The following SNTB2 variants were observed in gnomAD, a reference collection of about 807,000 sequenced individuals.
The protein encoded by SNTB2 is beta-2-syntrophin.
Under a neutral mutation model 46.2 loss-of-function variants are expected in SNTB2, and 34 were observed. The observed-to-expected ratio is 0.74, with a 90% CI of 0.56 to 0.98. The LOEUF is 0.98. Among genes scored for constraint, SNTB2 ranks in the 50% least tolerant of loss-of-function variants. The pLI, the probability that SNTB2 is intolerant of heterozygous loss-of-function variation, is 0.00. For missense variants in SNTB2, 603 were observed against 731.4 expected (o/e 0.82, Z 2.02); for synonymous variants, 290 against 312.6 (o/e 0.93, Z 0.76).
intron 1 of SNTB2, among the ~76,000 whole-genome samples, chr16:69,229,649 C>G (rs1468578947): frequency 2.7e-5 from 4 of 150,650 alleles, no homozygotes; most frequent in African/African-American, 9.7e-5. Flanking sequence ...ACCATCCTGG[C>G]CAACCAGCTT....
rs558290176 is a variant in SNTB2 at position 69,284,375 on chromosome 16, T to G, written c.1345+131T>G. On this transcript the variant is annotated intron_variant, in intron 5 of 6. Coordinates refer to ENST00000336278, the MANE Select transcript of SNTB2 (RefSeq NM_006750.4). Reference sequence around the variant, plus strand: ...GCAGTCCCCTCAGATTATACTACTATATTTTTACTATACCTTTTCTAAGTG... The same window carrying G: ...GCAGTCCCCTCAGATTATACTACTAGATTTTTACTATACCTTTTCTAAGTG... 209 of 563,348 alleles carry G rather than the reference T, an allele frequency of 3.7e-4. 1 individual carries two copies. The highest frequency in any genetic ancestry group is 5.3e-4 in the Non-Finnish European group (190 of 360,064). 34.9% of individuals were successfully genotyped at this position (563,348 alleles called of 1,614,324 possible).
chr16:69,245,483 C>T (rs1418806621), intron 1 of SNTB2, 119 bp from the exon 2 acceptor site: 1 of 999,890 alleles, frequency 1.0e-6, no homozygotes, highest in African/African-American at 1.6e-5. Flanking sequence ...GAGTGAGCCA[C>T]CGCGCCCAGC....
In SNTB2 at chr16:69,307,332, A is replaced by G. The variant is rs1051143947; in HGVS notation, c.*6408A>G. The G allele has an allele frequency of 2.6e-5, 4 of 152,230 alleles. No individual in the cohort carries two copies. Among genetic ancestry groups the G allele is most frequent in the African/African-American group, 9.6e-5 (4 of 41,460 alleles). The allele number at this position is 152,230 out of a possible 1,614,324, so 9.4% of individuals were successfully genotyped here. ...AGGCTTTGATCCATGCCAACATGAA[A>G]GGACTCCAAGCACATTTAAGTAGGC... On this transcript the variant is annotated 3_prime_UTR_variant, in exon 7 of 7. Coordinates refer to ENST00000336278, the MANE Select transcript of SNTB2 (RefSeq NM_006750.4).
chr16:69,193,913 T>C (rs1392678772), intron 1 of SNTB2, among the ~76,000 whole-genome samples: 2 of 152,242 alleles, frequency 1.3e-5, no homozygotes, highest in Admixed American at 1.3e-4. Context: ...GAGAATGTCT[T>C]TTGCAACAGC....
At chr16:69,280,764 C>A (rs1965033741) in intron 4 of SNTB2, among the ~76,000 whole-genome samples, 1 of 151,668 alleles carries the variant, frequency 6.6e-6, no homozygotes, top group Non-Finnish European at 1.5e-5. Flanking sequence ...ATGTGTTTTG[C>A]AAAATTTTTT....
chr16:69,241,684 C>T (rs2152296400), intron 1 of SNTB2, among the ~76,000 whole-genome samples: 1 of 151,448 alleles, frequency 6.6e-6, no homozygotes, highest in East Asian at 2.0e-4. Flanking sequence ...AATCCCAGCC[C>T]TTTGGGAGGC....
intron 5 of SNTB2, among the ~76,000 whole-genome samples, chr16:69,296,291 T>A (rs1000927325): frequency 5.5e-4 from 82 of 149,216 alleles, no homozygotes; most frequent in Middle Eastern, 3.2e-3. Flanking sequence ...AAAAAAAAAA[T>A]TTTTTTTAAA....
chr16:69,289,899 GC>G (rs1965144175), intron 5 of SNTB2, among the ~76,000 whole-genome samples: 1 of 152,132 alleles, frequency 6.6e-6, no homozygotes, highest in South Asian at 2.1e-4. Context: ...TCCAGTCTGG[GC>G]AACAGAACAA....
chr16:69,298,641 C>T (rs758169830), intron 5 of SNTB2, among the ~76,000 whole-genome samples: 1 of 151,216 alleles, frequency 6.6e-6, no homozygotes, highest in Non-Finnish European at 1.5e-5. Context: ...CCTGCCTCAG[C>T]CTCCCAAGTA....
chr16:69,232,992 T>C (rs1964522850), intron 1 of SNTB2, among the ~76,000 whole-genome samples: 1 of 152,228 alleles, frequency 6.6e-6, no homozygotes, highest in Admixed American at 6.5e-5. Flanking sequence ...CTCCTACTTT[T>C]ATTGATTTGG....
At chr16:69,276,767 G>T (rs1447962806) in intron 4 of SNTB2, among the ~76,000 whole-genome samples, 1 of 152,050 alleles carries the variant, frequency 6.6e-6, no homozygotes, top group Admixed American at 6.6e-5. Context: ...TTACACTGAG[G>T]ATGTGTAAAA....
chr16:69,251,922 C>G (rs976376326), intron 2 of SNTB2, among the ~76,000 whole-genome samples: 8 of 152,166 alleles, frequency 5.3e-5, no homozygotes, highest in Non-Finnish European at 1.0e-4. Flanking sequence ...CCCATCTCTA[C>G]TAAAAATAAA....
At chr16:69,228,505 CAAAAA>C (rs778681180) in intron 1 of SNTB2, among the ~76,000 whole-genome samples, 2 of 50,176 alleles carry the variant, frequency 4.0e-5, no homozygotes, top group Non-Finnish European at 8.4e-5. Context: ...GACTCTATCT[CAAAAA>C]AAAAAAAAAA....
At chr16:69,207,154 C>CTTTCTTTTTTTTT (rs771500331) in intron 1 of SNTB2, among the ~76,000 whole-genome samples, 2 of 126,448 alleles carry the variant, frequency 1.6e-5, no homozygotes, top group African/African-American at 3.0e-5. Flanking sequence ...TTCTTTCTTT[C>CTTTCTTTTTTTTT]TTTTTTTTTT....
chr16:69,208,432 T>G (rs1007566011), intron 1 of SNTB2, among the ~76,000 whole-genome samples: 1 of 151,732 alleles, frequency 6.6e-6, no homozygotes, highest in Admixed American at 6.6e-5. Flanking sequence ...GTAAAAGATA[T>G]AGTATAGTAT....
At chr16:69,218,338 G>A (rs1163795660) in intron 1 of SNTB2, among the ~76,000 whole-genome samples, 10 of 151,848 alleles carry the variant, frequency 6.6e-5, no homozygotes, top group Admixed American at 6.6e-4. Flanking sequence ...ATGGAATTTT[G>A]GAATTAAATG....
chr16:69,298,512 C>CTT (rs34908270), intron 5 of SNTB2, among the ~76,000 whole-genome samples: 8,596 of 78,140 alleles, frequency 0.11, 1,768 homozygotes, highest in Non-Finnish European at 0.14. Flanking sequence ...TTTACCAATT[C>CTT]TTTTTTTTTT....
rs372620250 is a variant in SNTB2 at position 69,282,430 on chromosome 16, T to C, written c.1149-1618T>C. On this transcript the variant is annotated intron_variant, in intron 4 of 6. Coordinates refer to ENST00000336278, the MANE Select transcript of SNTB2 (RefSeq NM_006750.4). ...GGGTTTGTCTCTGGGCTGTCTATTC[T>C]GTTCCATTGATCAATTTGTTTGTTC... Among the ~76,000 whole-genome samples, 6 of 152,308 alleles carry C rather than the reference T, an allele frequency of 3.9e-5. No individual in the cohort carries two copies. In the East Asian group the frequency reaches 1.2e-3, roughly 30 times the overall value.
chr16:69,228,470 C>T (rs964733787), intron 1 of SNTB2, among the ~76,000 whole-genome samples: 20 of 138,748 alleles, frequency 1.4e-4, no homozygotes, highest in Admixed American at 8.4e-4. Flanking sequence ...TATGCCACTG[C>T]ACTCCAACCT....
Sources: gnomAD v4.1 joint callset for allele counts (sites outside exome capture counted in the v4.1 genomes callset) on GRCh38, gnomAD v4.1.1 for gene constraint, MANE v1.5 for transcripts, NCBI Gene and HGNC (gene_info 2026-07-23, HGNC 2026-07-21) for gene names.